STARD6: variants seen among roughly 807,000 people sequenced by gnomAD.
STARD6 encodes the protein stAR-related lipid transfer protein 6.
STARD6 carries 21 observed loss-of-function variants against 22.3 expected under a neutral mutation model. The observed-to-expected ratio is 0.94, with a 90% CI of 0.67 to 1.35. STARD6 has a LOEUF of 1.35. Among genes scored for constraint, STARD6 ranks in the 40% most tolerant of loss-of-function variants. STARD6 has a pLI of 0.00. For synonymous variants in STARD6, 80 were observed against 88.1 expected, an observed-to-expected ratio of 0.91 and a Z score of 0.52; for missense variants, 269 against 266.9, an observed-to-expected ratio of 1.01 and a Z score of -0.05.
At chr18:54,356,089 A>T (rs149113087) in intron 2 of STARD6, among the ~76,000 whole-genome samples, 141 of 152,278 alleles carry the variant, frequency 9.3e-4, no homozygotes, top group Non-Finnish European at 1.6e-3. Context: ...GTTTCTCTTT[A>T]AAAAAATGGA....
intron 4 of STARD6, among the ~76,000 whole-genome samples, chr18:54,347,319 T>C (rs2089046219): frequency 1.3e-5 from 2 of 152,124 alleles, no homozygotes; most frequent in South Asian, 4.1e-4. Flanking sequence ...ATATCTTTTA[T>C]TCTCAACTTG....
Position 54,337,111 on chromosome 18 carries a change from A to G in STARD6, c.267+14T>C, listed in dbSNP as rs2088921812. On this transcript the variant is annotated intron_variant, in intron 5 of 7. Transcript: ENST00000307844. ...ATTAATGTTCTAGAAGTCCAGTATT[A>G]AACAACAAATTACCGAATCAATCCT... is the stretch of plus-strand genomic sequence containing the variant. The G allele has an allele frequency of 1.2e-6, 2 of 1,602,476 alleles. No homozygotes were observed. The highest frequency in any genetic ancestry group is 2.7e-5 in the African/African-American group (2 of 74,398).
chr18:54,351,621 T>C (rs952057628), intron 4 of STARD6, among the ~76,000 whole-genome samples: 20 of 152,202 alleles, frequency 1.3e-4, no homozygotes, highest in Admixed American at 1.3e-3. Flanking sequence ...GTAAGTTCCT[T>C]CTATGCCTAT....
intron 4 of STARD6, among the ~76,000 whole-genome samples, chr18:54,351,017 A>T (rs953632054): frequency 3.3e-5 from 5 of 152,136 alleles, no homozygotes; most frequent in Non-Finnish European, 7.4e-5. Context: ...AGTTCTGTGA[A>T]GAAGGATGAT....
Position 54,354,525 on chromosome 18 carries a change from A to C in STARD6, c.49T>G (p.Tyr17Asp). The change falls in exon 3 of 8, where the codon TAT becomes GAT. Residue 17 changes from tyrosine to aspartate, a missense_variant. Physicochemically the swap from Tyr to Asp is radical, Grantham distance 160. Coordinates refer to ENST00000307844, the MANE Select transcript of STARD6 (RefSeq NM_139171.2). ...TTCCAGCCTGATGTATCTCGATTAT[A>C]ACCTAAAACTTCTTGGGCAGTTTGT... is the stretch of plus-strand genomic sequence containing the variant. ...AQQTAQEVLG[Y>D]NRDTSGWKVV... 6.2e-7 allele frequency: 1 copy of C among 1,613,432 alleles called. No individual in the cohort carries two copies. Among genetic ancestry groups the C allele is most frequent in the Non-Finnish European group, 8.5e-7 (1 of 1,179,658 alleles).
chr18:54,357,380 G>C (rs2089161211), intron 1 of STARD6, among the ~76,000 whole-genome samples: 2 of 152,150 alleles, frequency 1.3e-5, no homozygotes, highest in South Asian at 4.1e-4. Context: ...GCTAAACTCG[G>C]GTCTCCAATC....
chr18:54,353,689 TTTAC>T (rs2089117942), intron 4 of STARD6, among the ~76,000 whole-genome samples: 1 of 152,152 alleles, frequency 6.6e-6, no homozygotes, highest in African/African-American at 2.4e-5. Context: ...AGAAATACAC[TTTAC>T]TTGTTAGTGG....
intron 5 of STARD6, among the ~76,000 whole-genome samples, chr18:54,334,720 T>A (rs2144672072): frequency 6.6e-6 from 1 of 152,250 alleles, no homozygotes; most frequent in African/African-American, 2.4e-5. Flanking sequence ...GTTCTCTAGC[T>A]ATAAATTAGC....
chr18:54,342,375 T>C (rs969952496), intron 4 of STARD6, among the ~76,000 whole-genome samples: 3 of 151,590 alleles, frequency 2.0e-5, no homozygotes, highest in Non-Finnish European at 4.4e-5. Context: ...TCCCAAATTT[T>C]AGCTTGATAT....
intron 5 of STARD6, among the ~76,000 whole-genome samples, chr18:54,336,894 T>C (rs2088919480): frequency 6.6e-6 from 1 of 152,224 alleles, no homozygotes; most frequent in Admixed American, 6.5e-5. Flanking sequence ...TGGCACACAT[T>C]GCAGGAGAGC....
At chr18:54,353,530 T>G (rs901766975) in intron 4 of STARD6, among the ~76,000 whole-genome samples, 5 of 152,084 alleles carry the variant, frequency 3.3e-5, no homozygotes, top group African/African-American at 1.2e-4. Context: ...TGTGGTGGTG[T>G]GCACCTGTAG....
At position 54,346,841 on chromosome 18, in the gene STARD6, T is replaced by A. The variant is rs145777475; in HGVS notation, c.140+7213A>T. Among the ~76,000 whole-genome samples the A allele has an allele frequency of 2.0e-3, 298 of 152,218 alleles. 1 individual carries two copies. Among genetic ancestry groups the A allele is most frequent in the Non-Finnish European group, 3.1e-3 (213 of 67,956 alleles). On this transcript the variant is annotated intron_variant, in intron 4 of 7. Coordinates refer to ENST00000307844, the MANE Select transcript of STARD6 (RefSeq NM_139171.2). ...ATAGCATGTGATCTCCTTTATGACATGTCCAGAATAGGCAAATATAAAAGG... is the reference window on the plus strand; with the variant it reads ...ATAGCATGTGATCTCCTTTATGACAAGTCCAGAATAGGCAAATATAAAAGG...
At position 54,337,251 on chromosome 18, in the gene STARD6, T is replaced by G; in HGVS notation, c.141A>C (p.Leu47=). The change falls in exon 5 of 8, where the codon CTA becomes CTC. Residue 47 remains leucine, a splice_region_variant and synonymous_variant. Transcript: ENST00000307844. ...SKASRKFHGN[L]YRVEGIIPES... is the part of the protein sequence containing the mutation. ...CTGGAATTATCCCTTCAACACGATATCTACAGTTAACAAAATAAAGAAAAT... is the reference window on the plus strand; with the variant it reads ...CTGGAATTATCCCTTCAACACGATAGCTACAGTTAACAAAATAAAGAAAAT... 6.2e-7 allele frequency: 1 copy of G among 1,607,578 alleles called. No individual in the cohort carries two copies. The highest frequency in any genetic ancestry group is 8.5e-7 in the Non-Finnish European group (1 of 1,178,092).
chr18:54,338,475 C>T (rs1000067351), intron 4 of STARD6, among the ~76,000 whole-genome samples: 1 of 152,122 alleles, frequency 6.6e-6, no homozygotes, highest in Non-Finnish European at 1.5e-5. Context: ...GCAGAGATAT[C>T]AGAGGCTACA....
At chr18:54,345,006 C>G (rs1240168033) in intron 4 of STARD6, among the ~76,000 whole-genome samples, 4 of 152,124 alleles carry the variant, frequency 2.6e-5, no homozygotes, top group African/African-American at 7.2e-5. Context: ...GATGTCCACT[C>G]TTGTCACTGC....
chr18:54,357,120 C>T (rs2089155653), intron 1 of STARD6: 2 of 152,254 alleles, frequency 1.3e-5, no homozygotes, highest in African/African-American at 4.8e-5. Flanking sequence ...GATATCTTCA[C>T]TCATAGGGTC....
intron 4 of STARD6, among the ~76,000 whole-genome samples, chr18:54,342,097 G>A (rs1272944286): frequency 6.6e-6 from 1 of 152,236 alleles, no homozygotes; most frequent in African/African-American, 2.4e-5. Flanking sequence ...GGTTGTAAGA[G>A]AAGAATGATG....
chr18:54,331,412 A>G (rs2088863668), intron 6 of STARD6, among the ~76,000 whole-genome samples: 1 of 152,206 alleles, frequency 6.6e-6, no homozygotes, highest in Non-Finnish European at 1.5e-5. Flanking sequence ...CAATTCAAAT[A>G]TAAAATTATA....
intron 5 of STARD6, 116 bp from the exon 6 acceptor site, chr18:54,331,975 T>C: frequency 1.6e-6 from 1 of 640,576 alleles, no homozygotes; most frequent in Non-Finnish European, 2.6e-6. Context: ...AAGCAGGGCT[T>C]TGAAATTTTA....
Sources: allele counts gnomAD v4.1 joint callset (sites outside exome capture counted in the v4.1 genomes callset), GRCh38; gene constraint gnomAD v4.1.1; transcripts MANE v1.5; gene names NCBI Gene and HGNC (gene_info 2026-07-23, HGNC 2026-07-21).